Variants in UCN3 observed in about 807,000 individuals in gnomAD.
The protein encoded by UCN3 is urocortin-3.
Under a neutral mutation model 3.6 loss-of-function variants are expected in UCN3, and 3 were observed. The observed-to-expected ratio is 0.83, with a 90% CI of 0.38 to 2.15. The LOEUF (loss-of-function observed/expected upper bound fraction) is 2.15. Ranked by LOEUF, UCN3 falls within the 30% of genes most tolerant of loss-of-function variation. The pLI is 0.06. For missense variants in UCN3, 206 were observed against 208.3 expected (o/e 0.99, Z 0.07); for synonymous variants, 100 against 93.2 (o/e 1.07, Z -0.42).
intron 1 of UCN3, among the ~76,000 whole-genome samples, chr10:5,369,701 T>C (rs1400989851): frequency 1.3e-5 from 2 of 152,194 alleles, no homozygotes; most frequent in African/African-American, 2.4e-5. Flanking sequence ...AAATAAGCTC[T>C]CAAAATTTTT....
Position 5,374,100 on chromosome 10 carries a change from C to G in UCN3, c.380C>G (p.Pro127Arg), listed in dbSNP as rs1244889728. ...AAGTTCACCCTGTCCCTCGACGTCC[C>G]CACCAACATCATGAACCTCCTCTTC... Reference protein sequence around the residue: ...RTKFTLSLDVPTNIMNLLFNI... With the variant: ...RTKFTLSLDVRTNIMNLLFNI... Residue 127 changes from proline (P) to arginine (R), a missense_variant, in exon 2 of 2, where the codon CCC becomes CGC. Transcript: ENST00000380433. 1 of 1,613,620 alleles carries G rather than the reference C, an allele frequency of 6.2e-7. No individual in the cohort carries two copies. Among genetic ancestry groups the G allele is most frequent in the African/African-American group, 1.3e-5 (1 of 74,820 alleles).
intron 1 of UCN3, among the ~76,000 whole-genome samples, chr10:5,371,167 GTGTA>G (rs1231983725): frequency 8.6e-5 from 13 of 150,762 alleles, no homozygotes; most frequent in South Asian, 6.3e-4. Context: ...GTGTGTGCAT[GTGTA>G]TGTATGTGCA....
chr10:5,370,511 ATATGTGTGTGTATG>A lies in UCN3; in HGVS notation c.-6-3202_-6-3189del, dbSNP rs1366368161. ...TGTATGTGTGTGTATATGCGTGTGT[ATATGTGTGTGTATG>A]TGTGTGTGTATATGCGTGTATATGT... On this transcript the variant is annotated intron_variant, in intron 1 of 1. Transcript: ENST00000380433. Among the ~76,000 whole-genome samples, 6 of 72,484 alleles carry A rather than the reference ATATGTGTGTGTATG, an allele frequency of 8.3e-5. No individual in the cohort carries two copies. In the East Asian group the frequency reaches 3.9e-3, roughly 47 times the overall value. The allele number at this position is 72,484 out of a possible 152,430, so 47.6% of individuals were successfully genotyped here. A position where few individuals can be genotyped will look rare whatever the true frequency, so the allele number is the denominator to read the frequency against.
chr10:5,370,479 A>ATG (rs782638210), intron 1 of UCN3, among the ~76,000 whole-genome samples: 1 of 52,298 alleles, frequency 1.9e-5, no homozygotes, highest in Non-Finnish European at 3.4e-5. Flanking sequence ...ATGCGTGTGT[A>ATG]TATGTGTGTA....
rs1319805642 is a variant in UCN3, at chr10:5,369,952, TGTGTGTGTATATGC to T, written c.-6-3756_-6-3743del. On this transcript the variant is annotated intron_variant, in intron 1 of 1. Transcript: ENST00000380433. Reference sequence around the variant, plus strand: ...GTGTGTGTGTGTATGTGTGTGTATATGTGTGTGTATATGCGTGTGTATATGCGTGTGTATATGTG... The same window carrying T: ...GTGTGTGTGTGTATGTGTGTGTATATGTGTGTATATGCGTGTGTATATGTG... Among the ~76,000 whole-genome samples, 3 of 130,790 alleles carry T rather than the reference TGTGTGTGTATATGC, an allele frequency of 2.3e-5. 1 individual carries two copies. The highest frequency in any genetic ancestry group is 5.1e-4 in the South Asian group (2 of 3,946). The allele number at this position is 130,790 out of a possible 152,430, so 85.8% of individuals were successfully genotyped here.
intron 1 of UCN3, among the ~76,000 whole-genome samples, chr10:5,368,143 A>T: frequency 6.6e-6 from 1 of 152,086 alleles, no homozygotes; most frequent in Admixed American, 6.5e-5. Context: ...AGCTGGGATT[A>T]CAGGCGTGTG....
In UCN3 at chr10:5,367,874, G is replaced by T. The variant is rs1554810820; in HGVS notation, c.-7+2644G>T. ...AGGGAGGGGTTCCCTGGGCTGGGGT[G>T]CAGGGTTTGAGTGAGGAAGCAAAAT... On this transcript the variant is annotated intron_variant, in intron 1 of 1. Transcript: ENST00000380433. This position sits in a 1 kb window ranked among gnomAD's most constrained non-coding sequence, Gnocchi z 4.3. 6.6e-6 allele frequency among the ~76,000 whole-genome samples: 1 copy of T among 152,216 alleles called. No individual in the cohort carries two copies. Among genetic ancestry groups the T allele is most frequent in the Admixed American group, 6.5e-5 (1 of 15,286 alleles).
chr10:5,371,133 G>A lies in UCN3; in HGVS notation c.-6-2582G>A, dbSNP rs1831420139. Among the ~76,000 whole-genome samples, 2 of 151,248 alleles carry A rather than the reference G, an allele frequency of 1.3e-5. 1 individual carries two copies. The highest frequency in any genetic ancestry group is 4.9e-5 in the African/African-American group (2 of 40,796). ...GCATGTACATGTGAGGTATGTATGT[G>A]TGTGCATATGTGTGCATGTATATGT... On this transcript the variant is annotated intron_variant, in intron 1 of 1. Transcript: ENST00000380433.
At position 5,366,984 on chromosome 10, in the gene UCN3, T is replaced by A. The variant is rs1433264813; in HGVS notation, c.-7+1754T>A. On this transcript the variant is annotated intron_variant, in intron 1 of 1. Coordinates refer to ENST00000380433, the MANE Select transcript of UCN3 (RefSeq NM_053049.4). The surrounding 1 kb of genome is among the most constrained non-coding windows in gnomAD (Gnocchi z 4.2). ...CCGTGATTACAGTATTCTTCTCTGA[T>A]GGTAGACTTGGGATTTGAAAAATAA... Among the ~76,000 whole-genome samples the A allele has an allele frequency of 6.6e-6, 1 of 152,220 alleles. No homozygotes were observed. Among genetic ancestry groups the A allele is most frequent in the Non-Finnish European group, 1.5e-5 (1 of 68,038 alleles).
At chr10:5,370,859 G>GTGTA (rs1554811424) in intron 1 of UCN3, among the ~76,000 whole-genome samples, 2,248 of 112,946 alleles carry the variant, frequency 0.02, 176 homozygotes, top group South Asian at 0.035. Context: ...GCGCGTGTGT[G>GTGTA]TGCGTGTGTA....
At position 5,369,937 on chromosome 10, in the gene UCN3, GTA is replaced by G. The variant is rs1457254801; in HGVS notation, c.-6-3776_-6-3775del. ...TATATGTGTGTGTATGTGTGTGTGT[GTA>G]TGTGTGTGTATATGTGTGTGTATAT... On this transcript the variant is annotated intron_variant, in intron 1 of 1. Transcript: ENST00000380433. Among the ~76,000 whole-genome samples the G allele has an allele frequency of 8.6e-3, 665 of 77,146 alleles. 134 individuals are homozygous for G. Among genetic ancestry groups the G allele is most frequent in the African/African-American group, 0.028 (536 of 18,824 alleles). 50.6% of individuals were successfully genotyped at this position (77,146 alleles called of 152,430 possible). A position where few individuals can be genotyped will look rare whatever the true frequency, so the allele number is the denominator to read the frequency against.
rs1485838796 is a variant in UCN3, at chr10:5,369,875, A to ATGTGTG, written c.-6-3836_-6-3831dup. 3.6e-5 allele frequency among the ~76,000 whole-genome samples: 3 copies of ATGTGTG among 84,398 alleles called. 1 individual carries two copies. In the East Asian group the frequency reaches 1.9e-3, roughly 53 times the overall value. The allele number at this position is 84,398 out of a possible 152,430, so 55.4% of individuals were successfully genotyped here. A position where few individuals can be genotyped will look rare whatever the true frequency, so the allele number is the denominator to read the frequency against. On this transcript the variant is annotated intron_variant, in intron 1 of 1. Transcript: ENST00000380433. The stretch of plus-strand genomic sequence containing the variant: ...TTTATCCACGTGGGTGTGTGTGTAT[A>ATGTGTG]TGTGTGTGTATATGTGTGTGTGTAT...
chr10:5,370,867 G>GTGTA (rs1831407238), intron 1 of UCN3, among the ~76,000 whole-genome samples: 1 of 89,870 alleles, frequency 1.1e-5, no homozygotes, highest in African/African-American at 4.1e-5. Flanking sequence ...GTGTGCGTGT[G>GTGTA]TATGTGTGTG....
rs1554811799 is a variant in UCN3, at chr10:5,374,057, A to G, written c.337A>G (p.Lys113Glu). 4 of 1,613,370 alleles carry G rather than the reference A, an allele frequency of 2.5e-6. No individual in the cohort carries two copies. The highest frequency in any genetic ancestry group is 1.6e-4 in the Middle Eastern group (1 of 6,062). The change falls in exon 2 of 2, where the codon AAG (lysine) becomes GAG (glutamate). Residue 113 changes from lysine to glutamate, a missense_variant. Transcript: ENST00000380433. ...GGGAAAGCCACGCCAGGACACGGCC[A>G]AGAGTCCCCACCGCACCAAGTTCAC... ...PRGKPRQDTAKSPHRTKFTLS... is the reference protein window; with the variant it reads ...PRGKPRQDTAESPHRTKFTLS...
rs1834119565 is a variant in UCN3 at position 5,366,525 on chromosome 10, T to G, written c.-7+1295T>G. Among the ~76,000 whole-genome samples the G allele has an allele frequency of 6.6e-6, 1 of 152,226 alleles. No individual in the cohort carries two copies. Among genetic ancestry groups the G allele is most frequent in the South Asian group, 2.1e-4 (1 of 4,828 alleles). ...TGTGGGAAGTACAGAGTATCTTTTC[T>G]TCTTTGGGGAGAGTTCCTTTTCTTT... On this transcript the variant is annotated intron_variant, in intron 1 of 1. Transcript: ENST00000380433. The surrounding 1 kb of genome is among the most constrained non-coding windows in gnomAD (Gnocchi z 4.2).
Position 5,370,245 on chromosome 10 carries a change from G to A in UCN3, c.-6-3470G>A, listed in dbSNP as rs201408098. Among the ~76,000 whole-genome samples the A allele has an allele frequency of 9.4e-4, 54 of 57,376 alleles. 4 individuals carry two copies. Among genetic ancestry groups the A allele is most frequent in the African/African-American group, 1.6e-3 (20 of 12,630 alleles). 37.6% of individuals were successfully genotyped at this position (57,376 alleles called of 152,430 possible). ...TATGTGCGTGTGTGTATGCGTGTGT[G>A]TATGCGTGTGTATATGCGTGTGTAT... On this transcript the variant is annotated intron_variant, in intron 1 of 1. Transcript: ENST00000380433.
Position 5,367,669 on chromosome 10 carries a change from A to G in UCN3, c.-7+2439A>G, listed in dbSNP as rs144962021. 4.8e-3 allele frequency among the ~76,000 whole-genome samples: 732 copies of G among 152,320 alleles called. 5 individuals are homozygous for G. Among genetic ancestry groups the G allele is most frequent in the African/African-American group, 0.017 (722 of 41,544 alleles). On this transcript the variant is annotated intron_variant, in intron 1 of 1. Coordinates refer to ENST00000380433, the MANE Select transcript of UCN3 (RefSeq NM_053049.4). This position sits in a 1 kb window ranked among gnomAD's most constrained non-coding sequence, Gnocchi z 4.3. ...AAGTGTCTTTAAGGGGTGGAGATAGACAGGTAAACTCAAGTGTTGATTTAC... is the reference window on the plus strand; with the variant it reads ...AAGTGTCTTTAAGGGGTGGAGATAGGCAGGTAAACTCAAGTGTTGATTTAC...
intron 1 of UCN3, among the ~76,000 whole-genome samples, chr10:5,369,966 CGTGTGTATATGCGTGTGTATAT>C (rs1831325336): frequency 5.5e-5 from 1 of 18,140 alleles, no homozygotes; most frequent in Non-Finnish European, 1.1e-4. Flanking sequence ...TGTGTATATG[CGTGTGTATATGCGTGTGTATAT>C]GTGTGTATGT....
At chr10:5,372,872 T>C (rs938788382) in intron 1 of UCN3, among the ~76,000 whole-genome samples, 1 of 152,070 alleles carries the variant, frequency 6.6e-6, no homozygotes, top group Non-Finnish European at 1.5e-5. Flanking sequence ...ATTTTTCTTT[T>C]TTTAAATAAA....
Sources: allele counts gnomAD v4.1 joint callset (sites outside exome capture counted in the v4.1 genomes callset), GRCh38; gene constraint gnomAD v4.1.1; non-coding constraint Gnocchi (gnomAD v3.1); transcripts MANE v1.5; gene names NCBI Gene and HGNC (gene_info 2026-07-23, HGNC 2026-07-21).